ABCA5: variants seen among roughly 807,000 people sequenced by gnomAD.
The protein encoded by ABCA5 is ATP binding cassette subfamily A member 5, also known as cholesterol transporter ABCA5.
In ABCA5, 163 loss-of-function variants were observed where a neutral mutation model predicts 206.0. The ratio of observed to expected loss-of-function variants is 0.79; its 90% confidence interval spans 0.70 to 0.90. The LOEUF is 0.90. ABCA5 is among the 40% of genes least tolerant of loss of function. The pLI is 0.00. For synonymous variants in ABCA5, 609 were observed against 613.8 expected, an observed-to-expected ratio of 0.99 and a Z score of 0.11; for missense variants, 1,859 against 1,912.9, an observed-to-expected ratio of 0.97 and a Z score of 0.53.
At chr17:69,317,099 T>C (rs1164655776) in intron 1 of ABCA5, 2 of 152,028 alleles carry the variant, frequency 1.3e-5, no homozygotes, top group African/African-American at 4.8e-5. Context: ...TATTCAGCCA[T>C]AGAAAGGAAT....
chr17:69,254,560 A>C (rs2144897356), intron 31 of ABCA5, 70 bp from the exon 32 acceptor site: 1 of 1,231,566 alleles, frequency 8.1e-7, no homozygotes, highest in South Asian at 1.4e-5. Context: ...CAAGTACATT[A>C]ATTAAAACCC....
At chr17:69,258,704 A>T (rs1041037900) in intron 28 of ABCA5, among the ~76,000 whole-genome samples, 10 of 152,074 alleles carry the variant, frequency 6.6e-5, no homozygotes, top group African/African-American at 9.7e-5. Context: ...TATTTTTTTT[A>T]AAAAACCAGC....
intron 12 of ABCA5, among the ~76,000 whole-genome samples, chr17:69,290,469 T>C (rs12952942): frequency 0.39 from 58,803 of 151,940 alleles, 12,454 homozygotes; most frequent in Middle Eastern, 0.51. Context: ...AACACTAATA[T>C]ATTCATTGTT....
chr17:69,271,366 T>G (rs988737960), intron 20 of ABCA5, 77 bp from the exon 21 acceptor site: 2 of 1,397,810 alleles, frequency 1.4e-6, no homozygotes, highest in Non-Finnish European at 9.7e-7. Context: ...GATAATTCTA[T>G]TTTTAGAGAA....
chr17:69,262,272 G>C (rs1304810642), intron 24 of ABCA5, among the ~76,000 whole-genome samples: 1 of 152,092 alleles, frequency 6.6e-6, no homozygotes, highest in Non-Finnish European at 1.5e-5. Context: ...TACATGTGCA[G>C]GTGTGTTACA....
At position 69,263,848 on chromosome 17, in the gene ABCA5, C is replaced by CA. The variant is rs1220498377; in HGVS notation, c.3315+886dup. 1.8e-4 allele frequency among the ~76,000 whole-genome samples: 27 copies of CA among 152,118 alleles called. No individual in the cohort carries two copies. The South Asian group carries it at 5.4e-3, about 30-fold the overall frequency. On this transcript the variant is annotated intron_variant, in intron 24 of 38. Transcript: ENST00000392676. ...AGTAGCTGGGACTACAGGCGCATGC[C>CA]ACCACGTCCAGCTATTTTTTTGTAT...
chr17:69,246,650 T>C lies in ABCA5; in HGVS notation c.*887A>G, dbSNP rs2074955245. The stretch of plus-strand genomic sequence containing the variant: ...ACTAAAGTTTACCAATAAAAACAAA[T>C]ACCCAATAAAATATTTTATTCAAGA... On this transcript the variant is annotated 3_prime_UTR_variant, in exon 39 of 39. Transcript: ENST00000392676. 1 of 151,846 alleles carries C rather than the reference T, an allele frequency of 6.6e-6. No individual in the cohort carries two copies. Among genetic ancestry groups the C allele is most frequent in the Non-Finnish European group, 1.5e-5 (1 of 67,780 alleles). The allele number at this position is 151,846 out of a possible 1,614,324, so 9.4% of individuals were successfully genotyped here. A position where few individuals can be genotyped will look rare whatever the true frequency, so the allele number is the denominator to read the frequency against.
chr17:69,264,715 T>C lies in ABCA5; in HGVS notation c.3315+20A>G. 2 of 1,474,044 alleles carry C rather than the reference T, an allele frequency of 1.4e-6. No individual in the cohort carries two copies. Among genetic ancestry groups the C allele is most frequent in the Non-Finnish European group, 1.8e-6 (2 of 1,106,972 alleles). 91.3% of individuals were successfully genotyped at this position (1,474,044 alleles called of 1,614,324 possible). ...ACATTCTATCTATAAATAGCATGAG[T>C]ACAACTAACGTTAACTTACCACAGC... On this transcript the variant is annotated intron_variant, in intron 24 of 38. Transcript: ENST00000392676.
At chr17:69,319,862 A>C (rs1316996034) in intron 1 of ABCA5, among the ~76,000 whole-genome samples, 1 of 152,220 alleles carries the variant, frequency 6.6e-6, no homozygotes, top group Non-Finnish European at 1.5e-5. Context: ...AACAAACATA[A>C]GAACTAATAA....
At chr17:69,321,978 G>A (rs2075868549) in intron 1 of ABCA5, among the ~76,000 whole-genome samples, 1 of 151,936 alleles carries the variant, frequency 6.6e-6, no homozygotes, top group Admixed American at 6.6e-5. Flanking sequence ...GCCTACTAAA[G>A]CCCATCTTCC....
In ABCA5 at chr17:69,256,199, T is replaced by A. The variant is rs2075076610; in HGVS notation, c.3816A>T (p.Arg1272Ser). The A allele has an allele frequency of 1.2e-6, 2 of 1,610,340 alleles. No individual in the cohort carries two copies. Among genetic ancestry groups the A allele is most frequent in the African/African-American group, 2.7e-5 (2 of 74,792 alleles). ...EDEDEDVKAERLKVKELMGCQ... is the reference protein window; with the variant it reads ...EDEDEDVKAESLKVKELMGCQ... The stretch of plus-strand genomic sequence containing the variant: ...AACCCATCAGCTCTTTGACCTTTAG[T>A]CTTTCAGCTTTGACATCTTCATCTT... Residue 1272 changes from arginine to serine, a missense_variant, in exon 29 of 39, where the codon AGA becomes AGT. By Grantham distance (110) the Arg-to-Ser change is moderately radical (BLOSUM62 -1). Transcript: ENST00000392676.
At chr17:69,294,903 C>T (rs1284457005) in intron 10 of ABCA5, among the ~76,000 whole-genome samples, 190 bp from the exon 11 acceptor site, 1 of 152,058 alleles carries the variant, frequency 6.6e-6, no homozygotes, top group African/African-American at 2.4e-5. Context: ...CTTGAAAACA[C>T]AGGTTAGGAG....
chr17:69,318,181 G>A (rs1375415105), intron 1 of ABCA5, among the ~76,000 whole-genome samples: 2 of 151,238 alleles, frequency 1.3e-5, no homozygotes, highest in South Asian at 2.1e-4. Context: ...GCACAGTCTC[G>A]GCTCCTGGGT....
In ABCA5 at chr17:69,309,336, T is replaced by C; in HGVS notation, c.395A>G (p.Lys132Arg). The C allele has an allele frequency of 6.2e-7, 1 of 1,607,620 alleles. No individual in the cohort carries two copies. Residue 132 changes from lysine to arginine, a missense_variant, in exon 4 of 39, where the codon AAA (lysine) becomes AGA (arginine). Lys to Arg is a conservative substitution (Grantham distance 26, BLOSUM62 2). Coordinates refer to ENST00000392676, the MANE Select transcript of ABCA5 (RefSeq NM_172232.4). ...ACGAAGTTCATAGGACATGGAGTCTTTGAAAACCACACCTACAAAGTTGCT... is the reference window on the plus strand; with the variant it reads ...ACGAAGTTCATAGGACATGGAGTCTCTGAAAACCACACCTACAAAGTTGCT... ...KPSNFVGVVF[K>R]DSMSYELRFF... is the part of the protein sequence containing the mutation.
chr17:69,315,504 A>G (rs2075807089), intron 1 of ABCA5: 1 of 152,302 alleles, frequency 6.6e-6, no homozygotes, highest in Admixed American at 6.6e-5. Flanking sequence ...AAAATAGCTG[A>G]CCGGGTGCGG....
intron 10 of ABCA5, among the ~76,000 whole-genome samples, chr17:69,295,698 T>A (rs1375511840): frequency 6.6e-6 from 1 of 152,226 alleles, no homozygotes; most frequent in Non-Finnish European, 1.5e-5. Context: ...CATAACTTAC[T>A]ATAATCTGTG....
At chr17:69,259,378 C>T (rs2144908469) in intron 28 of ABCA5, among the ~76,000 whole-genome samples, 1 of 152,000 alleles carries the variant, frequency 6.6e-6, no homozygotes, top group South Asian at 2.1e-4. Context: ...ACATGCCAAC[C>T]AACTATGGTA....
intron 9 of ABCA5, among the ~76,000 whole-genome samples, chr17:69,299,939 T>A (rs1265478929): frequency 3.3e-5 from 5 of 152,200 alleles, no homozygotes; most frequent in Non-Finnish European, 1.5e-5. Flanking sequence ...TCTAGACTAG[T>A]GGTCCCCAGC....
intron 3 of ABCA5, among the ~76,000 whole-genome samples, chr17:69,312,878 T>G (rs938737449): frequency 1.6e-4 from 25 of 152,112 alleles, no homozygotes; most frequent in African/African-American, 6.0e-4. Flanking sequence ...TAAAAGTACA[T>G]AAAATATGCT....
Sources: allele counts gnomAD v4.1 joint callset (sites outside exome capture counted in the v4.1 genomes callset), GRCh38; gene constraint gnomAD v4.1.1; transcripts MANE v1.5; gene names NCBI Gene and HGNC (gene_info 2026-07-23, HGNC 2026-07-21).